FAAH2: variants seen among roughly 807,000 people sequenced by gnomAD.
The protein encoded by FAAH2 is fatty acid amide hydrolase 2.
FAAH2 carries 60 observed loss-of-function variants against 36.9 expected under a neutral mutation model. That is an observed-to-expected ratio of 1.63 (90% CI 1.32 to 2.02). The LOEUF is 2.02. FAAH2 is among the 30% of genes most tolerant of loss of function. The pLI is 0.00. For missense variants in FAAH2, 689 were observed against 397.5 expected (o/e 1.73, Z -6.23); for synonymous variants, 214 against 143.8 (o/e 1.49, Z -3.49).
chrX:57,332,324 G>T (rs369069779), intron 4 of FAAH2, among the ~76,000 whole-genome samples: 1 of 112,346 alleles, frequency 8.9e-6, no homozygotes, highest in Admixed American at 9.4e-5. Flanking sequence ...TTACTGTGAT[G>T]ATTAAAAATT....
the FAAH2 span, among the ~76,000 whole-genome samples, chrX:57,210,659 A>G: frequency 3.5e-5 from 4 of 112,768 alleles, no homozygotes; most frequent in South Asian, 1.5e-3. Flanking sequence ...CAGAGGTAAG[A>G]GGCTGAATGC....
the FAAH2 span, among the ~76,000 whole-genome samples, chrX:57,180,767 T>C: frequency 9.0e-6 from 1 of 111,156 alleles, no homozygotes; most frequent in Non-Finnish European, 1.9e-5. Flanking sequence ...GAAGGTCTCC[T>C]CCCCACTGCA....
chrX:57,349,204 CAT>C (rs1337690352), intron 5 of FAAH2, among the ~76,000 whole-genome samples: 2 of 86,378 alleles, frequency 2.3e-5, no homozygotes, highest in African/African-American at 8.2e-5. Context: ...TATACATATA[CAT>C]ATATACATAT....
intron 2 of FAAH2, among the ~76,000 whole-genome samples, chrX:57,292,928 C>G (rs1374794955): frequency 9.0e-6 from 1 of 111,606 alleles, no homozygotes; most frequent in Non-Finnish European, 1.9e-5. Context: ...GAGAACCCCC[C>G]TACACATGCA....
the FAAH2 span, among the ~76,000 whole-genome samples, chrX:57,202,278 T>C: frequency 8.9e-6 from 1 of 112,276 alleles, no homozygotes; most frequent in East Asian, 2.8e-4. Flanking sequence ...TTTTTGTCCT[T>C]CTTGGAAAGG....
upstream of FAAH2, among the ~76,000 whole-genome samples, chrX:57,282,870 CTGTT>C (rs2051766644): frequency 8.9e-6 from 1 of 112,195 alleles, no homozygotes; most frequent in Admixed American, 9.4e-5. Flanking sequence ...CTGTAGACCT[CTGTT>C]TGGCACTTGC....
At chrX:57,142,177 C>A in the FAAH2 span, among the ~76,000 whole-genome samples, 1 of 111,855 alleles carries the variant, frequency 8.9e-6, no homozygotes. Flanking sequence ...TTTTCTACTT[C>A]TTTAAGGTGC....
chrX:57,366,582 G>A (rs913944671), intron 5 of FAAH2, among the ~76,000 whole-genome samples: 35 of 112,492 alleles, frequency 3.1e-4, no homozygotes, highest in African/African-American at 1.1e-3. Flanking sequence ...TTTTCCATAC[G>A]CATGTGCATG....
chrX:57,369,634 G>A (rs2054503203), intron 5 of FAAH2, among the ~76,000 whole-genome samples: 1 of 111,578 alleles, frequency 9.0e-6, no homozygotes, highest in African/African-American at 3.3e-5. Context: ...CAAAATGAAA[G>A]AGAAATAAAG....
At chrX:57,482,139 T>A (rs1429266253) in intron 10 of FAAH2, among the ~76,000 whole-genome samples, 2 of 111,645 alleles carry the variant, frequency 1.8e-5, no homozygotes, top group African/African-American at 3.3e-5. Context: ...GCTGGCTGCA[T>A]GAATTTCAAG....
At chrX:57,208,779 C>T in the FAAH2 span, among the ~76,000 whole-genome samples, 3 of 111,844 alleles carry the variant, frequency 2.7e-5, no homozygotes, top group Non-Finnish European at 5.6e-5. Context: ...AAGGGATGGG[C>T]CATAACAAAG....
At chrX:57,320,700 C>T (rs1472788262) in intron 3 of FAAH2, among the ~76,000 whole-genome samples, 1 of 112,680 alleles carries the variant, frequency 8.9e-6, no homozygotes, top group East Asian at 2.8e-4. Flanking sequence ...TATCATTCTA[C>T]TATAAAGCAA....
intron 5 of FAAH2, among the ~76,000 whole-genome samples, chrX:57,373,360 T>A (rs184934547): frequency 1.9e-5 from 2 of 106,477 alleles, no homozygotes; most frequent in African/African-American, 6.6e-5. Flanking sequence ...TGTAGAAGTG[T>A]TTCTTTTTCA....
intron 10 of FAAH2, among the ~76,000 whole-genome samples, chrX:57,467,785 C>T (rs775220754): frequency 8.9e-6 from 1 of 111,769 alleles, no homozygotes; most frequent in South Asian, 3.7e-4. Flanking sequence ...GATCTGAAAA[C>T]GGACAGACTG....
the FAAH2 span, among the ~76,000 whole-genome samples, chrX:57,277,889 G>C: frequency 9.0e-6 from 1 of 111,584 alleles, no homozygotes; most frequent in East Asian, 2.8e-4. Context: ...CCTCTTCAAG[G>C]AGAACTACAA....
the FAAH2 span, among the ~76,000 whole-genome samples, chrX:57,182,018 G>T: frequency 4.5e-5 from 5 of 111,770 alleles, no homozygotes; most frequent in Admixed American, 2.8e-4. Context: ...GGGATAACTG[G>T]CTATCTATAT....
At chrX:57,213,894 T>C in the FAAH2 span, among the ~76,000 whole-genome samples, 2 of 111,995 alleles carry the variant, frequency 1.8e-5, no homozygotes, top group Non-Finnish European at 3.8e-5. Flanking sequence ...TTCTGGATTA[T>C]CTATCTAGGG....
intron 10 of FAAH2, among the ~76,000 whole-genome samples, chrX:57,463,526 A>G (rs941102456): frequency 3.6e-5 from 4 of 111,385 alleles, no homozygotes; most frequent in African/African-American, 1.3e-4. Flanking sequence ...CCATCTGATC[A>G]TCGACAAACC....
the FAAH2 span, among the ~76,000 whole-genome samples, chrX:57,227,937 G>A: frequency 9.0e-6 from 1 of 111,464 alleles, no homozygotes; most frequent in African/African-American, 3.3e-5. Flanking sequence ...AAAGCTGGTA[G>A]CCACAGACCT....
Sources: gnomAD v4.1 joint callset for allele counts (sites outside exome capture counted in the v4.1 genomes callset) on GRCh38, gnomAD v4.1.1 for gene constraint, MANE v1.5 for transcripts, NCBI Gene and HGNC (gene_info 2026-07-23, HGNC 2026-07-21) for gene names.